Variants in CMPK2 observed in about 807,000 individuals in gnomAD.
The protein encoded by CMPK2 is UMP-CMP kinase 2, mitochondrial.
A neutral mutation model predicts 33.4 loss-of-function variants in CMPK2; 32 were observed. That is an observed-to-expected ratio of 0.96 (90% CI 0.72 to 1.29). The LOEUF is 1.29. Among genes scored for constraint, CMPK2 ranks in the 50% most tolerant of loss-of-function variants. CMPK2 has a pLI of 0.00. For missense variants in CMPK2, 672 were observed against 616.0 expected, an observed-to-expected ratio of 1.09 and a Z score of -0.96; for synonymous variants, 299 against 275.3, an observed-to-expected ratio of 1.09 and a Z score of -0.85.
upstream of CMPK2, chr2:6,865,948 C>A (rs770212376): frequency 3.1e-6 from 4 of 1,307,366 alleles, no homozygotes; most frequent in East Asian, 1.6e-4. Context: ...ACGCTTGGCC[C>A]CGGGGCCCCA....
At chr2:6,860,074 T>C (rs1662827844) in intron 3 of CMPK2, among the ~76,000 whole-genome samples, 1 of 152,260 alleles carries the variant, frequency 6.6e-6, no homozygotes, top group African/African-American at 2.4e-5. Context: ...ACTGCCCAGC[T>C]GAATTTCAGA....
chr2:6,850,375 A>C (rs1392318036), intron 4 of CMPK2, among the ~76,000 whole-genome samples: 1 of 152,248 alleles, frequency 6.6e-6, no homozygotes, highest in Non-Finnish European at 1.5e-5. Flanking sequence ...CATACAAGCC[A>C]CAGTCCTTAA....
At chr2:6,850,653 C>T in intron 4 of CMPK2, 2 of 719,028 alleles carry the variant, frequency 2.8e-6, no homozygotes, top group Non-Finnish European at 3.4e-6. Context: ...CCGTACCTTC[C>T]TTGCAAATGT....
downstream of CMPK2, among the ~76,000 whole-genome samples, chr2:6,843,632 C>A (rs1662283389): frequency 6.6e-6 from 1 of 152,090 alleles, no homozygotes. Flanking sequence ...AAGAATCTGT[C>A]CTGGAACCGT....
At position 6,865,165 on chromosome 2, in the gene CMPK2, C is replaced by T. The variant is rs1404670747; in HGVS notation, c.532G>A (p.Glu178Lys). The T allele has an allele frequency of 6.5e-7, 1 of 1,536,014 alleles. No individual in the cohort carries two copies. Among genetic ancestry groups the T allele is most frequent in the Non-Finnish European group, 8.7e-7 (1 of 1,143,400 alleles). ...PRGQLWQRLW[E>K]VQDGRRLQVG... Reference sequence around the variant, plus strand: ...TGCAGCCGCCTGCCGTCTTGCACCTCCCAGAGGCGCTGCCACAGCTGGCCG... The same window carrying T: ...TGCAGCCGCCTGCCGTCTTGCACCTTCCAGAGGCGCTGCCACAGCTGGCCG... The change falls in exon 1 of 5, where the codon GAG becomes AAG. Residue 178 changes from glutamate (E) to lysine (K), a missense_variant. Transcript: ENST00000256722.
chr2:6,865,586 A>T lies in CMPK2; in HGVS notation c.111T>A (p.Leu37=). ...MAPPRRFVLE[L]PDCTLAHFAL... ...CGAAGTGAGCCAGGGTGCAGTCGGG[A>T]AGCTCCAGGACGAAGCGGCGCGGCG... Residue 37 remains leucine (L), a synonymous_variant, in exon 1 of 5, where the codon CTT becomes CTA. Transcript: ENST00000256722. The T allele has an allele frequency of 7.2e-7, 1 of 1,383,456 alleles. No individual in the cohort carries two copies. The highest frequency in any genetic ancestry group is 9.4e-7 in the Non-Finnish European group (1 of 1,068,300). 85.7% of individuals were successfully genotyped at this position (1,383,456 alleles called of 1,614,324 possible). A position where few individuals can be genotyped will look rare whatever the true frequency, so the allele number is the denominator to read the frequency against.
intron 1 of CMPK2, 68 bp downstream of exon 1, chr2:6,864,954 T>G: frequency 7.4e-7 from 1 of 1,349,144 alleles, no homozygotes; most frequent in Non-Finnish European, 9.6e-7. Flanking sequence ...ACCAGCCTCT[T>G]GGTCCAGTTC....
intron 1 of CMPK2, 97 bp downstream of exon 1, chr2:6,864,925 G>A (rs1278229525): frequency 6.8e-6 from 9 of 1,330,110 alleles, no homozygotes; most frequent in African/African-American, 1.5e-5. Context: ...AACCACCCAG[G>A]CAAGAACCGG....
chr2:6,860,414 T>C (rs1662837260), intron 3 of CMPK2, among the ~76,000 whole-genome samples: 1 of 152,152 alleles, frequency 6.6e-6, no homozygotes, highest in Non-Finnish European at 1.5e-5. Context: ...TGAATTCCCA[T>C]GTGTTGTGGG....
chr2:6,847,725 G>C (rs1251386488), downstream of CMPK2, among the ~76,000 whole-genome samples: 1 of 152,140 alleles, frequency 6.6e-6, no homozygotes, highest in East Asian at 1.9e-4. Context: ...CCGATATGAA[G>C]AGTTAAAGGG....
chr2:6,853,230 G>A (rs1041560991), intron 3 of CMPK2, among the ~76,000 whole-genome samples: 8 of 152,160 alleles, frequency 5.3e-5, no homozygotes, highest in East Asian at 1.9e-4. Context: ...AATTACAGGC[G>A]TGAGGTACCA....
chr2:6,848,360 T>C lies in CMPK2; in HGVS notation c.*1490A>G, dbSNP rs1662415306. Reference sequence around the variant, plus strand: ...AAAGTTTATTCATGTGCCAGGGACATAAAGATACATTAATTGTTTGTTTTT... The same window carrying C: ...AAAGTTTATTCATGTGCCAGGGACACAAAGATACATTAATTGTTTGTTTTT... On this transcript the variant is annotated 3_prime_UTR_variant, in exon 5 of 5. Transcript: ENST00000256722. 1.0e-6 allele frequency: 1 copy of C among 985,148 alleles called. No homozygotes were observed. The highest frequency in any genetic ancestry group is 1.2e-6 in the Non-Finnish European group (1 of 829,794). 61.0% of individuals were successfully genotyped at this position (985,148 alleles called of 1,614,324 possible). A position where few individuals can be genotyped will look rare whatever the true frequency, so the allele number is the denominator to read the frequency against.
At position 6,849,135 on chromosome 2, in the gene CMPK2, A is replaced by T. The variant is rs2103217067; in HGVS notation, c.*715T>A. The T allele has an allele frequency of 1.0e-6, 1 of 983,924 alleles. No homozygotes were observed. The highest frequency in any genetic ancestry group is 4.7e-5 in the South Asian group (1 of 21,260). The allele number at this position is 983,924 out of a possible 1,614,324, so 60.9% of individuals were successfully genotyped here. ...GAAAAAAAGAAAAGAAATATAAATA[A>T]GCAAAATATAATTCAGAGAAGGTTG... On this transcript the variant is annotated 3_prime_UTR_variant, in exon 5 of 5. Transcript: ENST00000256722.
intron 3 of CMPK2, 45 bp downstream of exon 3, chr2:6,861,139 T>C (rs759665282): frequency 7.8e-6 from 10 of 1,286,254 alleles, no homozygotes; most frequent in South Asian, 1.2e-5. Context: ...CACACACTTA[T>C]ATATTAGGGA....
intron 3 of CMPK2, among the ~76,000 whole-genome samples, chr2:6,859,611 G>A (rs968229104): frequency 6.6e-6 from 1 of 152,234 alleles, no homozygotes; most frequent in Non-Finnish European, 1.5e-5. Context: ...TCCATGTGGT[G>A]TTGAGCCTAC....
chr2:6,866,396 G>T (rs4669109), upstream of CMPK2: 1 of 974,128 alleles, frequency 1.0e-6, no homozygotes, highest in Non-Finnish European at 1.2e-6. Flanking sequence ...TCACTCACCT[G>T]TGCACACACT....
At chr2:6,843,864 G>A (rs1662290528), downstream of CMPK2, among the ~76,000 whole-genome samples, 1 of 152,216 alleles carries the variant, frequency 6.6e-6, no homozygotes, top group Non-Finnish European at 1.5e-5. Context: ...TGGCTCTGGT[G>A]TCCAGAAGGA....
Position 6,865,262 on chromosome 2 carries a change from C to A in CMPK2, c.435G>T (p.Ala145=), listed in dbSNP as rs1169416705. ...GACAGGCGCCCAGCAGCTCGAGCAG[C>A]GCTTGCCGGGTGTCAGGGTCATCCA... is the stretch of plus-strand genomic sequence containing the variant. ...DPLDDPDTRQ[A]LLELLGACQE... is the part of the protein sequence containing the mutation. The change falls in exon 1 of 5, where the codon GCG becomes GCT. Residue 145 remains alanine, a synonymous_variant. Coordinates refer to ENST00000256722, the MANE Select transcript of CMPK2 (RefSeq NM_207315.4). The A allele has an allele frequency of 1.3e-6, 2 of 1,537,634 alleles. No individual in the cohort carries two copies. The highest frequency in any genetic ancestry group is 1.9e-5 in the Admixed American group (1 of 52,858).
intron 3 of CMPK2, among the ~76,000 whole-genome samples, chr2:6,843,223 C>A (rs1297965493): frequency 2.0e-5 from 3 of 152,180 alleles, no homozygotes; most frequent in African/African-American, 7.2e-5. Flanking sequence ...CAGAAAAAGA[C>A]TTCCTTTAGG....
Sources: gnomAD v4.1 joint callset for allele counts (sites outside exome capture counted in the v4.1 genomes callset) on GRCh38, gnomAD v4.1.1 for gene constraint, MANE v1.5 for transcripts, NCBI Gene and HGNC (gene_info 2026-07-23, HGNC 2026-07-21) for gene names.